AMBRA1: variants seen among roughly 807,000 people sequenced by gnomAD.
AMBRA1 encodes the protein autophagy and beclin 1 regulator 1.
AMBRA1 carries 47 observed loss-of-function variants against 125.4 expected under a neutral mutation model. The observed-to-expected ratio is 0.37, with a 90% CI of 0.30 to 0.48. The LOEUF is 0.48. AMBRA1 is among the 20% of genes least tolerant of loss of function. AMBRA1 has a pLI of 0.99. For synonymous variants in AMBRA1, 626 were observed against 655.5 expected, an observed-to-expected ratio of 0.95 and a Z score of 0.69; for missense variants, 1,331 against 1,693.4, an observed-to-expected ratio of 0.79 and a Z score of 3.76.
rs948478639 is a variant in AMBRA1 at position 46,397,046 on chromosome 11, G to A, written c.*404C>T. On this transcript the variant is annotated 3_prime_UTR_variant, in exon 18 of 18. Transcript: ENST00000683756. ...CTCTGCCCACCCAACAGGTGGACAGGGCAAAGCTGCCTCGCGGGCCTCTGT... is the reference window on the plus strand; with the variant it reads ...CTCTGCCCACCCAACAGGTGGACAGAGCAAAGCTGCCTCGCGGGCCTCTGT... The A allele has an allele frequency of 6.2e-6, 1 of 160,620 alleles. No individual in the cohort carries two copies. The highest frequency in any genetic ancestry group is 1.4e-5 in the Non-Finnish European group (1 of 73,832). 9.9% of individuals were successfully genotyped at this position (160,620 alleles called of 1,614,324 possible). A position where few individuals can be genotyped will look rare whatever the true frequency, so the allele number is the denominator to read the frequency against.
At chr11:46,507,880 T>G (rs560858044) in intron 9 of AMBRA1, among the ~76,000 whole-genome samples, 2 of 152,302 alleles carry the variant, frequency 1.3e-5, no homozygotes, top group East Asian at 3.9e-4. Context: ...CTTTCCACGG[T>G]CACTGGACAT....
chr11:46,586,040 G>A (rs1206819781), intron 1 of AMBRA1, among the ~76,000 whole-genome samples: 1 of 151,894 alleles, frequency 6.6e-6, no homozygotes, highest in Admixed American at 6.6e-5. Flanking sequence ...CCAACCTCAG[G>A]TGATCCACCC....
chr11:46,565,714 AC>A lies in AMBRA1; in HGVS notation c.-120-17215del, dbSNP rs201784560. On this transcript the variant is annotated intron_variant, in intron 1 of 17. Coordinates refer to ENST00000683756, the MANE Select transcript of AMBRA1 (RefSeq NM_001387011.1). ...GAGCCAGATCATGTCTCAAAAAAAAACGTGTATAAAAATGTTAACAGCAGTT... is the reference window on the plus strand; with the variant it reads ...GAGCCAGATCATGTCTCAAAAAAAAAGTGTATAAAAATGTTAACAGCAGTT... Among the ~76,000 whole-genome samples the A allele has an allele frequency of 2.6e-4, 39 of 152,238 alleles. No individual in the cohort carries two copies. The East Asian group carries it at 6.0e-3, about 23-fold the overall frequency.
chr11:46,402,706 G>C (rs1590708388), intron 17 of AMBRA1, among the ~76,000 whole-genome samples: 3 of 152,222 alleles, frequency 2.0e-5, no homozygotes, highest in Non-Finnish European at 2.9e-5. Context: ...TGAGGGAAGA[G>C]ACACAATGGA....
At chr11:46,535,155 C>G (rs1391372031) in intron 7 of AMBRA1, among the ~76,000 whole-genome samples, 1 of 152,202 alleles carries the variant, frequency 6.6e-6, no homozygotes, top group Non-Finnish European at 1.5e-5. Context: ...GAAATTCTCA[C>G]AGTTGAGGAT....
intron 7 of AMBRA1, among the ~76,000 whole-genome samples, chr11:46,537,999 C>G (rs1378842927): frequency 1.3e-5 from 2 of 152,200 alleles, no homozygotes; most frequent in African/African-American, 4.8e-5. Flanking sequence ...AACCTAGCAG[C>G]AGCAGCCCAA....
intron 14 of AMBRA1, chr11:46,428,747 C>T: frequency 1.2e-6 from 2 of 1,610,260 alleles, no homozygotes; most frequent in South Asian, 2.2e-5. Flanking sequence ...CTTGTCGGCA[C>T]CAGGTGGCAC....
chr11:46,460,287 T>A (rs1949042193), intron 11 of AMBRA1, among the ~76,000 whole-genome samples: 2 of 151,896 alleles, frequency 1.3e-5, no homozygotes, highest in African/African-American at 2.4e-5. Flanking sequence ...TATATGATGA[T>A]CCATATGCAT....
At chr11:46,553,272 A>G (rs571185222) in intron 1 of AMBRA1, among the ~76,000 whole-genome samples, 2 of 152,086 alleles carry the variant, frequency 1.3e-5, no homozygotes, top group Non-Finnish European at 2.9e-5. Context: ...AGTAATAACT[A>G]TTTATTGTAA....
intron 1 of AMBRA1, among the ~76,000 whole-genome samples, chr11:46,583,076 C>T (rs564953845): frequency 2.6e-5 from 4 of 152,244 alleles, no homozygotes; most frequent in Non-Finnish European, 5.9e-5. Context: ...AAGCTGGAGG[C>T]ATCACGCTAC....
chr11:46,514,949 A>G (rs1951412279), intron 7 of AMBRA1, among the ~76,000 whole-genome samples: 1 of 152,242 alleles, frequency 6.6e-6, no homozygotes, highest in Admixed American at 6.5e-5. Flanking sequence ...GCCATCTTAT[A>G]TAGTACTTAT....
chr11:46,486,833 G>A (rs890167839), intron 11 of AMBRA1, among the ~76,000 whole-genome samples: 6 of 151,974 alleles, frequency 3.9e-5, no homozygotes, highest in African/African-American at 9.7e-5. Flanking sequence ...TTGAACCCAG[G>A]AGATGGAGGT....
At chr11:46,564,800 C>T (rs1565302628) in intron 1 of AMBRA1, among the ~76,000 whole-genome samples, 1 of 152,176 alleles carries the variant, frequency 6.6e-6, no homozygotes, top group Non-Finnish European at 1.5e-5. Flanking sequence ...TATTTGCCTC[C>T]TAGTGGGCTA....
Position 46,562,869 on chromosome 11 carries a change from C to T in AMBRA1, c.-120-14369G>A, listed in dbSNP as rs560945021. On this transcript the variant is annotated intron_variant, in intron 1 of 17. Coordinates refer to ENST00000683756, the MANE Select transcript of AMBRA1 (RefSeq NM_001387011.1). Reference sequence around the variant, plus strand: ...ACGCTGGAGTGCAATGGCATGATCTCGACTCACTGCAATCTCCGCCTCCCA... The same window carrying T: ...ACGCTGGAGTGCAATGGCATGATCTTGACTCACTGCAATCTCCGCCTCCCA... Among the ~76,000 whole-genome samples, 18 of 150,778 alleles carry T rather than the reference C, an allele frequency of 1.2e-4. No individual in the cohort carries two copies. The South Asian group carries it at 2.3e-3, about 19-fold the overall frequency.
rs992882280 is a variant in AMBRA1 at position 46,434,869 on chromosome 11, A to C, written c.2801T>G (p.Met934Arg). 1.2e-6 allele frequency: 2 copies of C among 1,610,214 alleles called. No individual in the cohort carries two copies. Among genetic ancestry groups the C allele is most frequent in the African/African-American group, 2.7e-5 (2 of 74,604 alleles). Reference protein sequence around the residue: ...YSLAPHNLGEMLYTKRFGPNA... With the variant: ...YSLAPHNLGERLYTKRFGPNA... ...CTTACCAAATCGCTTGGTGTAGAGC[A>C]TTTCGCCCAGGTTATGGGGGGCCAG... Residue 934 changes from methionine (M) to arginine (R), a missense_variant, in exon 13 of 18, where the codon ATG becomes AGG. Transcript: ENST00000683756.
rs760391826 is a variant in AMBRA1, at chr11:46,508,301, C to G, written c.2229G>C (p.Gln743His). The G allele has an allele frequency of 6.2e-7, 1 of 1,614,242 alleles. No individual in the cohort carries two copies. The highest frequency in any genetic ancestry group is 8.5e-7 in the Non-Finnish European group (1 of 1,180,042). ...GGTTCTGTTGGTAGCGCATGGAGCG[C>G]TGGCGAATACTGTCTCTCCGTGAGA... ...QYLSRRDSIR[Q>H]RSMRYQQNRL... Residue 743 changes from glutamine (Q) to histidine (H), a missense_variant, in exon 9 of 18, where the codon CAG (glutamine) becomes CAC (histidine). Gln to His is a conservative substitution (Grantham distance 24). Transcript: ENST00000683756.
At chr11:46,547,601 CA>C (rs1407200159) in intron 3 of AMBRA1, among the ~76,000 whole-genome samples, 1 of 152,122 alleles carries the variant, frequency 6.6e-6, no homozygotes, top group Non-Finnish European at 1.5e-5. Flanking sequence ...AGAAACTTTC[CA>C]AGTTTTGATC....
chr11:46,550,110 C>T (rs1032127480), intron 1 of AMBRA1, among the ~76,000 whole-genome samples: 2 of 152,184 alleles, frequency 1.3e-5, no homozygotes, highest in African/African-American at 2.4e-5. Context: ...TGAGCTACTG[C>T]ACCCAGCCGA....
intron 1 of AMBRA1, among the ~76,000 whole-genome samples, chr11:46,569,420 TGA>T (rs2043667894): frequency 2.5e-5 from 3 of 117,844 alleles, no homozygotes; most frequent in African/African-American, 1.1e-4. Context: ...ACTATATCAC[TGA>T]GAGATTAAAA....
Sources: allele counts gnomAD v4.1 joint callset (sites outside exome capture counted in the v4.1 genomes callset), GRCh38; gene constraint gnomAD v4.1.1; transcripts MANE v1.5; gene names NCBI Gene and HGNC (gene_info 2026-07-23, HGNC 2026-07-21).